The following DUSP22 variants were observed in gnomAD, a reference collection of about 807,000 sequenced individuals.
DUSP22 encodes the protein dual specificity phosphatase 22.
DUSP22 carries 24 observed loss-of-function variants against 24.5 expected under a neutral mutation model. The observed-to-expected ratio is 0.98, with a 90% CI of 0.71 to 1.38. DUSP22 has a LOEUF of 1.38. DUSP22 is among the 40% of genes most tolerant of loss of function. The pLI, the probability that DUSP22 is intolerant of heterozygous loss-of-function variation, is 0.00. For missense variants in DUSP22, 330 were observed against 269.2 expected (o/e 1.23, Z -1.58); for synonymous variants, 160 against 106.4 (o/e 1.50, Z -3.10).
At chr6:330,274 T>C (rs1759082511) in intron 3 of DUSP22, among the ~76,000 whole-genome samples, 1 of 152,304 alleles carries the variant, frequency 6.6e-6, no homozygotes. Context: ...AGGAACTTGC[T>C]CTCCCCCTCC....
At chr6:302,614 C>T (rs532106084) in intron 1 of DUSP22, among the ~76,000 whole-genome samples, 12 of 152,416 alleles carry the variant, frequency 7.9e-5, no homozygotes, top group African/African-American at 1.2e-4. Flanking sequence ...GCTGAGTGCC[C>T]GGCATTGTGC....
intron 3 of DUSP22, among the ~76,000 whole-genome samples, chr6:314,513 A>C (rs1025998515): frequency 1.3e-5 from 2 of 152,426 alleles, no homozygotes; most frequent in Middle Eastern, 6.8e-3. Flanking sequence ...CATCAGTTAC[A>C]AAGGGCTTTT....
chr6:298,236 T>C (rs1051145976), intron 1 of DUSP22, among the ~76,000 whole-genome samples: 17 of 152,264 alleles, frequency 1.1e-4, no homozygotes, highest in African/African-American at 4.1e-4. Flanking sequence ...CCTTTTTATA[T>C]GCAAACTGGT....
chr6:304,020 C>T (rs1214183722), intron 1 of DUSP22, among the ~76,000 whole-genome samples: 4 of 152,300 alleles, frequency 2.6e-5, no homozygotes, highest in Non-Finnish European at 1.5e-5. Context: ...ATTTAACAAC[C>T]CATTGTTGAC....
intron 4 of DUSP22, among the ~76,000 whole-genome samples, chr6:341,084 G>A (rs1401848980): frequency 2.0e-5 from 3 of 152,308 alleles, no homozygotes; most frequent in South Asian, 2.1e-4. Context: ...GGCAGTTTGC[G>A]AGTCCCCTCT....
At chr6:319,390 A>T (rs1276624590) in intron 3 of DUSP22, among the ~76,000 whole-genome samples, 2 of 152,306 alleles carry the variant, frequency 1.3e-5, no homozygotes, top group Non-Finnish European at 2.9e-5. Flanking sequence ...TCCACGGCCG[A>T]TTGGTACAAA....
intron 2 of DUSP22, among the ~76,000 whole-genome samples, chr6:309,564 T>C (rs957805903): frequency 4.6e-5 from 7 of 152,290 alleles, no homozygotes; most frequent in Non-Finnish European, 1.0e-4. Context: ...TTTCTTGACT[T>C]CTGCTTCATC....
intron 1 of DUSP22, among the ~76,000 whole-genome samples, chr6:299,402 G>C (rs1757483576): frequency 6.6e-6 from 1 of 152,300 alleles, no homozygotes; most frequent in African/African-American, 2.4e-5. Context: ...GAAAATAGAT[G>C]GGTCAAAATT....
chr6:299,258 C>T (rs549003520), intron 1 of DUSP22, among the ~76,000 whole-genome samples: 2 of 152,304 alleles, frequency 1.3e-5, no homozygotes, highest in Non-Finnish European at 2.9e-5. Context: ...GACTGGTCAG[C>T]CAGGTTGTTG....
intron 3 of DUSP22, among the ~76,000 whole-genome samples, chr6:318,716 C>T (rs1758441855): frequency 6.6e-6 from 1 of 152,308 alleles, no homozygotes. Flanking sequence ...AGCCACACAT[C>T]TCATACACAC....
chr6:347,517 T>TA (rs1255732257), intron 5 of DUSP22, among the ~76,000 whole-genome samples: 12 of 152,412 alleles, frequency 7.9e-5, no homozygotes, highest in African/African-American at 2.9e-4. Flanking sequence ...CCCTAACCGT[T>TA]ACTGCCTGCA....
At chr6:314,181 T>C (rs2797319) in intron 3 of DUSP22, among the ~76,000 whole-genome samples, 151,803 of 152,412 alleles carry the variant, frequency 1, 75,597 homozygotes, top group Middle Eastern at 1. Context: ...AGCTGACCCC[T>C]GGCTGGTGAG....
intron 4 of DUSP22, among the ~76,000 whole-genome samples, chr6:344,498 C>T (rs1759765009): frequency 6.6e-6 from 1 of 152,308 alleles, no homozygotes; most frequent in African/African-American, 2.4e-5. Flanking sequence ...ACATTTTGCC[C>T]CGGCTGGTCT....
chr6:341,297 CAG>C (rs1484342313), intron 4 of DUSP22, among the ~76,000 whole-genome samples: 1 of 152,308 alleles, frequency 6.6e-6, no homozygotes, highest in Non-Finnish European at 1.5e-5. Flanking sequence ...AGAGCAGGAA[CAG>C]GGAACTTGTG....
intron 4 of DUSP22, among the ~76,000 whole-genome samples, chr6:335,786 A>G (rs1297020026): frequency 6.6e-6 from 1 of 152,298 alleles, no homozygotes; most frequent in African/African-American, 2.4e-5. Context: ...GGGCTTGAGA[A>G]CCCCAGGAGG....
intron 2 of DUSP22, among the ~76,000 whole-genome samples, chr6:308,872 G>T (rs1301908546): frequency 6.6e-6 from 1 of 152,306 alleles, no homozygotes. Context: ...GGTGGAATGG[G>T]TGTCTGGAGG....
At chr6:344,354 C>T (rs370915117) in intron 4 of DUSP22, among the ~76,000 whole-genome samples, 11 of 152,408 alleles carry the variant, frequency 7.2e-5, no homozygotes, top group South Asian at 4.1e-4. Flanking sequence ...GGCATGATCT[C>T]GGCTCACTGC....
chr6:309,917 T>C (rs1373478773), intron 2 of DUSP22, among the ~76,000 whole-genome samples: 2 of 152,298 alleles, frequency 1.3e-5, no homozygotes, highest in Admixed American at 6.5e-5. Flanking sequence ...TCCAGAACCA[T>C]GATAATTAAA....
In DUSP22 at chr6:308,495, C is replaced by T. The variant is rs180728275; in HGVS notation, c.56-3385C>T. Among the ~76,000 whole-genome samples, 9 of 152,400 alleles carry T rather than the reference C, an allele frequency of 5.9e-5. No individual in the cohort carries two copies. The East Asian group carries it at 9.6e-4, about 16-fold the overall frequency. ...ATGGGAAAGGATGCATCAGCGAACACGGTGCTAGCGTGCGGTGAGGAAGAG... is the reference window on the plus strand; with the variant it reads ...ATGGGAAAGGATGCATCAGCGAACATGGTGCTAGCGTGCGGTGAGGAAGAG... On this transcript the variant is annotated intron_variant, in intron 2 of 6. Coordinates refer to ENST00000419235, the MANE Select transcript of DUSP22 (RefSeq NM_001286555.3).
Sources: gnomAD v4.1 joint callset for allele counts (sites outside exome capture counted in the v4.1 genomes callset) on GRCh38, gnomAD v4.1.1 for gene constraint, MANE v1.5 for transcripts, NCBI Gene and HGNC (gene_info 2026-07-23, HGNC 2026-07-21) for gene names.